Variants in IPCEF1 observed in about 807,000 individuals in gnomAD.
IPCEF1 encodes the protein interactor protein for cytohesin exchange factors 1.
IPCEF1 carries 31 observed loss-of-function variants against 50.9 expected under a neutral mutation model. The ratio of observed to expected loss-of-function variants is 0.61; its 90% CI spans 0.46 to 0.82. IPCEF1 has a LOEUF of 0.82. Among genes scored for constraint, IPCEF1 ranks in the 40% least tolerant of loss-of-function variants. IPCEF1 has a pLI of 0.00. For synonymous variants in IPCEF1, 181 were observed against 192.0 expected (o/e 0.94, Z 0.47); for missense variants, 458 against 514.0 (o/e 0.89, Z 1.05).
intron 5 of IPCEF1, among the ~76,000 whole-genome samples, chr6:154,235,063 T>G (rs1259226498): frequency 6.6e-6 from 1 of 152,226 alleles, no homozygotes; most frequent in Non-Finnish European, 1.5e-5. Flanking sequence ...GGAAAGCTTT[T>G]AAATGAATCA....
intron 10 of IPCEF1, among the ~76,000 whole-genome samples, chr6:154,173,222 T>G (rs1412976693): frequency 6.6e-6 from 1 of 151,304 alleles, no homozygotes; most frequent in Non-Finnish European, 1.5e-5. Context: ...GAAACCAGAG[T>G]GGAAAGGCTG....
intron 11 of IPCEF1, among the ~76,000 whole-genome samples, chr6:154,164,482 C>T (rs537306012): frequency 7.2e-4 from 109 of 152,338 alleles, no homozygotes; most frequent in African/African-American, 2.5e-3. Context: ...GGGCCTCATC[C>T]AGCAGCCCAG....
At chr6:154,287,165 CT>C (rs1583948524) in intron 2 of IPCEF1, among the ~76,000 whole-genome samples, 2 of 76,096 alleles carry the variant, frequency 2.6e-5, no homozygotes, top group East Asian at 5.0e-4. Flanking sequence ...CTCTCCCTCT[CT>C]CTCTCTCTCT....
At chr6:154,278,394 G>C (rs1782118782) in intron 2 of IPCEF1, among the ~76,000 whole-genome samples, 1 of 152,096 alleles carries the variant, frequency 6.6e-6, no homozygotes. Flanking sequence ...GTAGAGAATG[G>C]GAATCCAAGA....
intron 11 of IPCEF1, among the ~76,000 whole-genome samples, chr6:154,163,092 C>T (rs1379343096): frequency 2.6e-5 from 4 of 152,222 alleles, no homozygotes; most frequent in African/African-American, 4.8e-5. Flanking sequence ...TGACACAAAG[C>T]ATGCCATCCT....
chr6:154,206,579 T>G (rs974922154), intron 9 of IPCEF1, among the ~76,000 whole-genome samples: 4 of 148,488 alleles, frequency 2.7e-5, no homozygotes, highest in African/African-American at 7.6e-5. Flanking sequence ...AAATCTCTAA[T>G]CAAAAGCAGA....
intron 1 of IPCEF1, among the ~76,000 whole-genome samples, chr6:154,342,901 C>T (rs938443630): frequency 2.0e-5 from 3 of 152,162 alleles, no homozygotes; most frequent in Admixed American, 2.0e-4. Flanking sequence ...TCACCTGAGT[C>T]CAGGAGTTTA....
intron 1 of IPCEF1, among the ~76,000 whole-genome samples, chr6:154,306,522 C>T (rs147126687): frequency 4.6e-5 from 7 of 152,330 alleles, no homozygotes; most frequent in Non-Finnish European, 7.3e-5. Context: ...CAGGCATGAG[C>T]CACTGTGCCC....
At chr6:154,179,043 C>T (rs1389235968) in intron 10 of IPCEF1, among the ~76,000 whole-genome samples, 6 of 152,180 alleles carry the variant, frequency 3.9e-5, no homozygotes, top group South Asian at 2.1e-4. Context: ...CCCAGGTCCA[C>T]GACCCAGTCA....
At chr6:154,336,221 T>C (rs185610029) in intron 1 of IPCEF1, among the ~76,000 whole-genome samples, 11 of 152,358 alleles carry the variant, frequency 7.2e-5, no homozygotes, top group African/African-American at 2.2e-4. Context: ...TGTGCTTGCA[T>C]GTTTATTGTA....
chr6:154,308,710 CTAAT>C (rs1783000248), intron 1 of IPCEF1, among the ~76,000 whole-genome samples: 1 of 152,090 alleles, frequency 6.6e-6, no homozygotes, highest in Non-Finnish European at 1.5e-5. Context: ...GGGGATAAAA[CTAAT>C]TAATTTGTGT....
At chr6:154,308,380 CCCA>C (rs145555429) in intron 1 of IPCEF1, among the ~76,000 whole-genome samples, 2,309 of 152,214 alleles carry the variant, frequency 0.015, 56 homozygotes, top group African/African-American at 0.053. Flanking sequence ...GTCTCAGCCT[CCCA>C]AACAAACTAC....
chr6:154,164,865 G>C (rs1010651971), intron 11 of IPCEF1, among the ~76,000 whole-genome samples: 5 of 152,176 alleles, frequency 3.3e-5, no homozygotes, highest in Non-Finnish European at 5.9e-5. Flanking sequence ...CTAAATATCT[G>C]TATTTAGTGT....
At chr6:154,171,116 A>G (rs1344193650) in intron 10 of IPCEF1, among the ~76,000 whole-genome samples, 2 of 152,124 alleles carry the variant, frequency 1.3e-5, no homozygotes, top group Non-Finnish European at 2.9e-5. Flanking sequence ...ACTCCTACAT[A>G]AATACCCAAG....
At chr6:154,229,346 G>GTTTTTTTTTTTTTTTTT (rs34462600) in intron 5 of IPCEF1, among the ~76,000 whole-genome samples, 3 of 112,680 alleles carry the variant, frequency 2.7e-5, no homozygotes, top group African/African-American at 1.0e-4. Context: ...AAGTTTGCCG[G>GTTTTTTTTTTTTTTTTT]TTTTTTTTTT....
chr6:154,261,055 G>T (rs1781587631), intron 3 of IPCEF1, among the ~76,000 whole-genome samples: 2 of 152,258 alleles, frequency 1.3e-5, no homozygotes, highest in South Asian at 4.1e-4. Flanking sequence ...GTGCATGTGT[G>T]TGTGTGTTGT....
intron 5 of IPCEF1, among the ~76,000 whole-genome samples, chr6:154,244,075 A>C (rs1283824664): frequency 6.6e-6 from 1 of 151,862 alleles, no homozygotes; most frequent in African/African-American, 2.4e-5. Context: ...TTCTGCTCTT[A>C]GGTGCTTAGG....
intron 1 of IPCEF1, among the ~76,000 whole-genome samples, chr6:154,352,378 C>G (rs1380494352): frequency 2.0e-5 from 3 of 152,166 alleles, no homozygotes; most frequent in Non-Finnish European, 2.9e-5. Context: ...GTTTTTGTTT[C>G]TTCAATTAAT....
chr6:154,224,610 C>A (rs1779113479), intron 5 of IPCEF1, among the ~76,000 whole-genome samples: 1 of 151,996 alleles, frequency 6.6e-6, no homozygotes, highest in African/African-American at 2.4e-5. Context: ...ACTTGGGAAG[C>A]TGAGGCAGGA....
Sources: allele counts gnomAD v4.1 joint callset (sites outside exome capture counted in the v4.1 genomes callset), GRCh38; gene constraint gnomAD v4.1.1; transcripts MANE v1.5; gene names NCBI Gene and HGNC (gene_info 2026-07-23, HGNC 2026-07-21).